COPG2: variants seen among roughly 807,000 people sequenced by gnomAD.
COPG2 encodes the protein coat protein complex I subunit gamma 2.
A neutral mutation model predicts 46.3 loss-of-function variants in COPG2; 37 were observed. The observed-to-expected ratio is 0.80, with a 90% CI of 0.61 to 1.05. The LOEUF (loss-of-function observed/expected upper bound fraction) is 1.05, where lower values mean the gene tolerates loss of function less well. Ranked by LOEUF, COPG2 falls within the 50% of genes least tolerant of loss-of-function variation. COPG2 has a pLI of 0.00. For synonymous variants in COPG2, 159 were observed against 129.7 expected, an observed-to-expected ratio of 1.23 and a Z score of -1.53; for missense variants, 427 against 387.8, an observed-to-expected ratio of 1.10 and a Z score of -0.85.
At chr7:130,606,286 AAGAG>A (rs1222708993) in intron 9 of COPG2, among the ~76,000 whole-genome samples, 20 of 151,708 alleles carry the variant, frequency 1.3e-4, no homozygotes, top group Admixed American at 2.0e-4. Context: ...AAGAAAAAGA[AAGAG>A]AGAGAGAAAG....
intron 5 of COPG2, among the ~76,000 whole-genome samples, chr7:130,646,983 GTATATATATATATGTGTATA>G (rs1795616190): frequency 5.4e-5 from 1 of 18,432 alleles, no homozygotes; most frequent in Non-Finnish European, 3.1e-4. Context: ...ATATATATAT[GTATATATATATATGTGTATA>G]TATATATGTA....
At chr7:130,554,233 G>C (rs1004042670) in intron 14 of COPG2, among the ~76,000 whole-genome samples, 1 of 152,014 alleles carries the variant, frequency 6.6e-6, no homozygotes, top group Non-Finnish European at 1.5e-5. Flanking sequence ...TCATGCTTAC[G>C]GCTATAACTG....
chr7:130,667,293 T>C (rs1280619065), intron 2 of COPG2, among the ~76,000 whole-genome samples, 189 bp downstream of exon 2: 1 of 152,254 alleles, frequency 6.6e-6, no homozygotes, highest in Non-Finnish European at 1.5e-5. Context: ...TTCATGTCTT[T>C]GCATTTCTAT....
chr7:130,663,617 G>C (rs1796019236), intron 3 of COPG2, among the ~76,000 whole-genome samples: 1 of 151,938 alleles, frequency 6.6e-6, no homozygotes, highest in Admixed American at 6.6e-5. Context: ...ACATGCTTTG[G>C]ATCAGAGCTT....
At chr7:130,570,697 A>G (rs781789273) in intron 9 of COPG2, among the ~76,000 whole-genome samples, 24 of 151,736 alleles carry the variant, frequency 1.6e-4, no homozygotes, top group Non-Finnish European at 3.4e-4. Flanking sequence ...CACACACACA[A>G]ATCTTAAAAT....
chr7:130,618,073 C>G lies in COPG2; in HGVS notation c.324-1008G>C, dbSNP rs374019941. Among the ~76,000 whole-genome samples the G allele has an allele frequency of 2.3e-4, 28 of 120,336 alleles. No individual in the cohort carries two copies. In the East Asian group the frequency reaches 3.3e-3, roughly 14 times the overall value. The allele number at this position is 120,336 out of a possible 152,430, so 78.9% of individuals were successfully genotyped here. A position where few individuals can be genotyped will look rare whatever the true frequency, so the allele number is the denominator to read the frequency against. ...CTGAGATGGCACCACTGTACTCCAA[C>G]CTGGGTGACAGAGTGAGACCCTGTC... is the stretch of plus-strand genomic sequence containing the variant. On this transcript the variant is annotated intron_variant, in intron 5 of 23. Coordinates refer to ENST00000425248, the MANE Select transcript of COPG2 (RefSeq NM_012133.6).
intron 5 of COPG2, among the ~76,000 whole-genome samples, chr7:130,633,189 G>C (rs1475651188): frequency 6.6e-6 from 1 of 152,190 alleles, no homozygotes; most frequent in African/African-American, 2.4e-5. Flanking sequence ...ATTGTGAACA[G>C]TGCTGCAATA....
rs1793586916 is a variant in COPG2, at chr7:130,554,511, C to T, written c.1438G>A (p.Val480Ile). Residue 480 changes from valine (V) to isoleucine (I), a missense_variant, in exon 14 of 24, where the codon GTT becomes ATT. Physicochemically the swap from Val to Ile is conservative, Grantham distance 29. Transcript: ENST00000425248. ...SKYIRFIFNR[V>I]VLENEAVRAA... ...CTGACAGCCTCATTCTCCAGGACAACCCTATTAAAAATAAAACGGATATAT... is the reference window on the plus strand; with the variant it reads ...CTGACAGCCTCATTCTCCAGGACAATCCTATTAAAAATAAAACGGATATAT... 1 of 398,554 alleles carries T rather than the reference C, an allele frequency of 2.5e-6. No homozygotes were observed. Among genetic ancestry groups the T allele is most frequent in the Non-Finnish European group, 4.4e-6 (1 of 226,062 alleles). 24.7% of individuals were successfully genotyped at this position (398,554 alleles called of 1,614,324 possible).
In COPG2 at chr7:130,548,438, T is replaced by A; in HGVS notation, c.1942A>T (p.Ile648Phe). ...EAETEYFVRCIKHMFTNHIVF... is the reference protein window; with the variant it reads ...EAETEYFVRCFKHMFTNHIVF... ...ATGTGATTGGTAAACATGTGCTTGATACATCGAACAAAATATTCTGTCTCT... is the reference window on the plus strand; with the variant it reads ...ATGTGATTGGTAAACATGTGCTTGAAACATCGAACAAAATATTCTGTCTCT... Residue 648 changes from isoleucine to phenylalanine, a missense_variant, in exon 19 of 24, where the codon ATC becomes TTC. Coordinates refer to ENST00000425248, the MANE Select transcript of COPG2 (RefSeq NM_012133.6). The A allele has an allele frequency of 2.5e-6, 1 of 398,636 alleles. No homozygotes were observed. The highest frequency in any genetic ancestry group is 4.4e-6 in the Non-Finnish European group (1 of 226,072). The allele number at this position is 398,636 out of a possible 1,614,324, so 24.7% of individuals were successfully genotyped here.
chr7:130,665,065 C>G (rs1425075207), intron 3 of COPG2, among the ~76,000 whole-genome samples: 2 of 132,132 alleles, frequency 1.5e-5, no homozygotes, highest in East Asian at 5.0e-4. Context: ...CCTGTAATCC[C>G]AGCTACTCAG....
In COPG2 at chr7:130,611,021, G is replaced by T. The variant is rs782676179; in HGVS notation, c.669C>A (p.Leu223=). 6.2e-7 allele frequency: 1 copy of T among 1,613,902 alleles called. No homozygotes were observed. Among genetic ancestry groups the T allele is most frequent in the Non-Finnish European group, 8.5e-7 (1 of 1,179,854 alleles). The part of the protein sequence containing the change: ...KMLNKFTKSG[L]KSQFAYCMLI... ...GCATGCAGTAAGCAAACTGTGACTTGAGACCAGATTTAGTAAACTTATTCA... is the reference window on the plus strand; with the variant it reads ...GCATGCAGTAAGCAAACTGTGACTTTAGACCAGATTTAGTAAACTTATTCA... Residue 223 remains leucine, a synonymous_variant, in exon 9 of 24, where the codon CTC becomes CTA. Coordinates refer to ENST00000425248, the MANE Select transcript of COPG2 (RefSeq NM_012133.6).
chr7:130,583,446 T>C (rs1421750598), intron 9 of COPG2, among the ~76,000 whole-genome samples: 1 of 136,006 alleles, frequency 7.4e-6, no homozygotes, highest in Non-Finnish European at 1.5e-5. Flanking sequence ...TGTATACATA[T>C]GTAACTAACC....
At chr7:130,650,135 TC>T (rs1367214049) in intron 5 of COPG2, among the ~76,000 whole-genome samples, 2 of 152,170 alleles carry the variant, frequency 1.3e-5, no homozygotes, top group African/African-American at 4.8e-5. Flanking sequence ...TGACCTTGTT[TC>T]CATCATCACA....
At chr7:130,639,545 A>G (rs910565844) in intron 5 of COPG2, among the ~76,000 whole-genome samples, 55 of 152,282 alleles carry the variant, frequency 3.6e-4, no homozygotes, top group African/African-American at 1.2e-3. Flanking sequence ...TGTATCCTGC[A>G]TATTTTGATT....
intron 9 of COPG2, among the ~76,000 whole-genome samples, chr7:130,588,800 A>T (rs1284599694): frequency 9.6e-5 from 13 of 135,040 alleles, no homozygotes; most frequent in Non-Finnish European, 1.9e-4. Context: ...GTATAATAAT[A>T]AAAAAAAAGC....
chr7:130,579,599 A>C (rs1222560741), intron 9 of COPG2, among the ~76,000 whole-genome samples: 1 of 152,182 alleles, frequency 6.6e-6, no homozygotes, highest in African/African-American at 2.4e-5. Context: ...GTATTCAGGA[A>C]ACCCATCTCA....
intron 19 of COPG2, among the ~76,000 whole-genome samples, 192 bp from the exon 20 acceptor site, chr7:130,548,037 T>C (rs1793473451): frequency 6.6e-6 from 1 of 151,680 alleles, no homozygotes; most frequent in Middle Eastern, 3.4e-3. Context: ...TATTCATCAG[T>C]TTTTTCTCTT....
chr7:130,522,790 A>C (rs1209241645), intron 20 of COPG2, among the ~76,000 whole-genome samples: 2 of 152,048 alleles, frequency 1.3e-5, no homozygotes, highest in African/African-American at 4.8e-5. Flanking sequence ...AAAACGAACA[A>C]ACAAAAACAG....
At chr7:130,600,700 TTTTG>T (rs1434008772) in intron 9 of COPG2, among the ~76,000 whole-genome samples, 2 of 152,188 alleles carry the variant, frequency 1.3e-5, no homozygotes, top group African/African-American at 4.8e-5. Context: ...TTTCCTGTCA[TTTTG>T]TTTGTGTCTT....
Sources: allele counts gnomAD v4.1 joint callset (sites outside exome capture counted in the v4.1 genomes callset), GRCh38; gene constraint gnomAD v4.1.1; transcripts MANE v1.5; gene names NCBI Gene and HGNC (gene_info 2026-07-23, HGNC 2026-07-21).